The following CEMIP variants were observed in gnomAD, a reference collection of about 807,000 sequenced individuals.
CEMIP encodes the protein cell migration-inducing and hyaluronan-binding protein.
A neutral mutation model predicts 156.9 loss-of-function variants in CEMIP; 105 were observed. The ratio of observed to expected loss-of-function variants is 0.67; its 90% CI spans 0.57 to 0.79. The LOEUF is 0.79. CEMIP is among the 30% of genes least tolerant of loss of function. The pLI is 0.00. For synonymous variants in CEMIP, 676 were observed against 668.4 expected (o/e 1.01, Z -0.17); for missense variants, 1,457 against 1,769.4 (o/e 0.82, Z 3.17).
At chr15:80,899,305 T>C (rs1231872578) in intron 12 of CEMIP, among the ~76,000 whole-genome samples, 1 of 151,796 alleles carries the variant, frequency 6.6e-6, no homozygotes, top group Non-Finnish European at 1.5e-5. Context: ...GTGAGCAAGA[T>C]AGATGCATTC....
intron 19 of CEMIP, among the ~76,000 whole-genome samples, chr15:80,926,251 A>G (rs1015722972): frequency 1.3e-5 from 2 of 152,210 alleles, no homozygotes; most frequent in African/African-American, 4.8e-5. Context: ...GCCACAGTTC[A>G]CTGGACTCCA....
Position 80,884,307 on chromosome 15 carries a change from G to A in CEMIP, c.750G>A (p.Lys250=). The A allele has an allele frequency of 5.6e-6, 9 of 1,614,194 alleles. No homozygotes were observed. Among genetic ancestry groups the A allele is most frequent in the Admixed American group, 3.3e-5 (2 of 60,024 alleles). The change falls in exon 7 of 30, where the codon AAG becomes AAA. Residue 250 remains lysine (K), a synonymous_variant. Transcript: ENST00000394685. ...GSRNLDDMAR[K]AMTKLGSKHF... ...GAAATCTGGATGACATGGCCAGGAA[G>A]GCGATGACCAAATTGGGAAGCAAAC...
chr15:80,918,854 G>T (rs1273007997), intron 14 of CEMIP, among the ~76,000 whole-genome samples: 1 of 152,082 alleles, frequency 6.6e-6, no homozygotes, highest in African/African-American at 2.4e-5. Context: ...TGGGGCCCAG[G>T]CTACAGGCCC....
chr15:80,901,417 C>T (rs945909627), intron 12 of CEMIP, among the ~76,000 whole-genome samples: 4 of 152,074 alleles, frequency 2.6e-5, no homozygotes, highest in African/African-American at 9.7e-5. Flanking sequence ...AAATTCTATT[C>T]CTGGCCAGGC....
At chr15:80,780,736 C>T (rs1036817633) in intron 1 of CEMIP, among the ~76,000 whole-genome samples, 1 of 152,248 alleles carries the variant, frequency 6.6e-6, no homozygotes, top group Non-Finnish European at 1.5e-5. Flanking sequence ...AGGGCGCGCC[C>T]GAGGGCGGGG....
intron 1 of CEMIP, among the ~76,000 whole-genome samples, chr15:80,819,833 A>G (rs1896869681): frequency 6.6e-6 from 1 of 152,212 alleles, no homozygotes; most frequent in Non-Finnish European, 1.5e-5. Context: ...ATGGGTCTCA[A>G]TAACCCTATT....
At chr15:80,853,807 C>T (rs118108937) in intron 1 of CEMIP, among the ~76,000 whole-genome samples, 1 of 152,212 alleles carries the variant, frequency 6.6e-6, no homozygotes, top group Non-Finnish European at 1.5e-5. Flanking sequence ...ATAGAACAGA[C>T]ACTTTTATAG....
At chr15:80,793,835 A>G (rs1218370203) in intron 1 of CEMIP, among the ~76,000 whole-genome samples, 1 of 152,190 alleles carries the variant, frequency 6.6e-6, no homozygotes, top group Non-Finnish European at 1.5e-5. Context: ...TTGGGGAAAC[A>G]CTGAGCTAAA....
intron 15 of CEMIP, among the ~76,000 whole-genome samples, chr15:80,920,614 T>TG (rs2141921276): frequency 6.6e-6 from 1 of 152,346 alleles, no homozygotes; most frequent in Admixed American, 6.5e-5. Flanking sequence ...ACACCTCGCC[T>TG]GCCACAGAGG....
chr15:80,855,513 C>CT (rs1484995653), intron 1 of CEMIP, among the ~76,000 whole-genome samples: 5 of 149,962 alleles, frequency 3.3e-5, no homozygotes, highest in Admixed American at 1.3e-4. Flanking sequence ...TTTTCTTTTT[C>CT]TTTTTTTTCT....
intron 6 of CEMIP, among the ~76,000 whole-genome samples, chr15:80,881,499 G>A (rs1430136821): frequency 1.3e-5 from 2 of 152,164 alleles, no homozygotes; most frequent in African/African-American, 4.8e-5. Flanking sequence ...TGAAGGGTGA[G>A]GATATGTCAG....
rs190626445 is a variant in CEMIP, at chr15:80,843,529, G to A, written c.-175-30009G>A. On this transcript the variant is annotated intron_variant, in intron 1 of 29. Transcript: ENST00000394685. ...TCCCACTCTGAAATCTCACTTCCAG[G>A]GTGAGGGACAGGTGCTTCCTTCACC... is the stretch of plus-strand genomic sequence containing the variant. Among the ~76,000 whole-genome samples the A allele has an allele frequency of 4.1e-3, 622 of 152,302 alleles. 5 individuals are homozygous for A. Among genetic ancestry groups the A allele is most frequent in the Middle Eastern group, 0.034 (10 of 294 alleles).
chr15:80,899,907 A>G (rs533294941), intron 12 of CEMIP, among the ~76,000 whole-genome samples: 1 of 152,208 alleles, frequency 6.6e-6, no homozygotes, highest in Non-Finnish European at 1.5e-5. Context: ...TCTTGGCAGG[A>G]GTGGCATTCA....
Position 80,906,399 on chromosome 15 carries a change from CAG to C in CEMIP, c.1412-262_1412-261del, listed in dbSNP as rs951437428. On this transcript the variant is annotated intron_variant, in intron 12 of 29. Transcript: ENST00000394685. This position sits in a 1 kb window ranked among gnomAD's most constrained non-coding sequence, Gnocchi z 4.3. ...AATGCAGGAGTCTAGGACTGAAAAA[CAG>C]AAGAGGAGACAAATATTAGGGGACA... Among the ~76,000 whole-genome samples the C allele has an allele frequency of 9.2e-5, 14 of 152,216 alleles. No individual in the cohort carries two copies. The highest frequency in any genetic ancestry group is 9.2e-4 in the Admixed American group (14 of 15,288).
At chr15:80,896,224 C>T in intron 12 of CEMIP, 164 bp downstream of exon 12, 2 of 761,582 alleles carry the variant, frequency 2.6e-6, no homozygotes, top group South Asian at 1.5e-5. Context: ...ATTTCTTACT[C>T]ATGTATCTGC....
chr15:80,912,366 C>T (rs573388792), intron 14 of CEMIP, among the ~76,000 whole-genome samples: 14 of 152,156 alleles, frequency 9.2e-5, no homozygotes, highest in Non-Finnish European at 1.5e-4. Context: ...CCAAGGTCTC[C>T]CTCCGGCCTG....
At chr15:80,809,343 T>A (rs781242308) in intron 1 of CEMIP, among the ~76,000 whole-genome samples, 1 of 152,230 alleles carries the variant, frequency 6.6e-6, no homozygotes, top group Admixed American at 6.5e-5. Flanking sequence ...CAAAAGAATG[T>A]TTATTTATAT....
intron 1 of CEMIP, among the ~76,000 whole-genome samples, chr15:80,840,178 G>A (rs1253872861): frequency 2.0e-5 from 3 of 152,230 alleles, no homozygotes; most frequent in Non-Finnish European, 4.4e-5. Flanking sequence ...GACCCCGGGG[G>A]ATCAGTGTTC....
chr15:80,865,821 T>C (rs1244942013), intron 1 of CEMIP, among the ~76,000 whole-genome samples: 1 of 152,182 alleles, frequency 6.6e-6, no homozygotes, highest in Non-Finnish European at 1.5e-5. Context: ...CTCAAGTGAG[T>C]AATTACAGGC....
Sources: gnomAD v4.1 joint callset for allele counts (sites outside exome capture counted in the v4.1 genomes callset) on GRCh38, gnomAD v4.1.1 for gene constraint, Gnocchi (gnomAD v3.1) non-coding constraint, MANE v1.5 for transcripts, NCBI Gene and HGNC (gene_info 2026-07-23, HGNC 2026-07-21) for gene names.